ASAP1: variants seen among roughly 807,000 people sequenced by gnomAD.
ASAP1 encodes arf-GAP with SH3 domain, ANK repeat and PH domain-containing protein 1.
A neutral mutation model predicts 145.2 loss-of-function variants in ASAP1; 43 were observed. The observed-to-expected ratio is 0.30, with a 90% CI of 0.23 to 0.38. The LOEUF is 0.38. Among genes scored for constraint, ASAP1 ranks in the 10% least tolerant of loss-of-function variants. ASAP1 has a pLI of 1.00. For synonymous variants in ASAP1, 546 were observed against 515.5 expected, an observed-to-expected ratio of 1.06 and a Z score of -0.80; for missense variants, 1,018 against 1,355.3, an observed-to-expected ratio of 0.75 and a Z score of 3.91.
intron 1 of ASAP1, among the ~76,000 whole-genome samples, chr8:130,442,604 CAG>C (rs777598382): frequency 1.2e-4 from 18 of 152,080 alleles, no homozygotes; most frequent in Admixed American, 3.3e-4. Context: ...ACAGAGTAGA[CAG>C]GGGAAAATGC....
At chr8:130,246,100 G>C (rs532136546) in intron 3 of ASAP1, among the ~76,000 whole-genome samples, 5 of 151,954 alleles carry the variant, frequency 3.3e-5, no homozygotes, top group Non-Finnish European at 5.9e-5. Flanking sequence ...AGTTGTAAAG[G>C]AAGTCTTACA....
At chr8:130,230,961 C>A (rs932950156) in intron 4 of ASAP1, among the ~76,000 whole-genome samples, 1 of 152,150 alleles carries the variant, frequency 6.6e-6, no homozygotes, top group Non-Finnish European at 1.5e-5. Context: ...ACTCTAGTTA[C>A]AACTGAATTC....
intron 3 of ASAP1, among the ~76,000 whole-genome samples, chr8:130,349,883 G>A (rs1000534360): frequency 5.3e-5 from 8 of 152,198 alleles, no homozygotes; most frequent in African/African-American, 1.9e-4. Flanking sequence ...TAGACATGAA[G>A]TGTAGCCCCA....
chr8:130,101,732 A>ATTTTTTTTTTTTTTT lies in ASAP1; in HGVS notation c.2402-9604_2402-9590dup, dbSNP rs59778799. Among the ~76,000 whole-genome samples the ATTTTTTTTTTTTTTT allele has an allele frequency of 1.8e-3, 156 of 86,904 alleles. 18 individuals carry two copies. The highest frequency in any genetic ancestry group is 7.3e-3 in the African/African-American group (132 of 18,080). 57.0% of individuals were successfully genotyped at this position (86,904 alleles called of 152,430 possible). On this transcript the variant is annotated intron_variant, in intron 24 of 29. Coordinates refer to ENST00000518721, the MANE Select transcript of ASAP1 (RefSeq NM_018482.4). ...AGGCATGTGCTACCACACCTGGTTA[A>ATTTTTTTTTTTTTTT]TTTTTTTTTTTTTTTTTTTTGCAGA...
At chr8:130,096,561 G>A (rs1040992466) in intron 24 of ASAP1, among the ~76,000 whole-genome samples, 3 of 152,096 alleles carry the variant, frequency 2.0e-5, no homozygotes, top group Admixed American at 6.5e-5. Context: ...TAAAAACATG[G>A]GTCTAGCCTT....
chr8:130,384,892 A>AC lies in ASAP1; in HGVS notation c.59+16992dup, dbSNP rs1320797590. Among the ~76,000 whole-genome samples the AC allele has an allele frequency of 3.3e-5, 5 of 152,006 alleles. No individual in the cohort carries two copies. The South Asian group carries it at 6.2e-4, about 19-fold the overall frequency. On this transcript the variant is annotated intron_variant, in intron 2 of 29. Coordinates refer to ENST00000518721, the MANE Select transcript of ASAP1 (RefSeq NM_018482.4). ...CACTGTGGTGAGCAAGGCCGAGATG[A>AC]CCCCCGCCCTCCTGGAAGTTATAAT...
chr8:130,379,077 G>C (rs1417882255), intron 2 of ASAP1, among the ~76,000 whole-genome samples: 1 of 152,170 alleles, frequency 6.6e-6, no homozygotes, highest in Non-Finnish European at 1.5e-5. Context: ...ACTAAAGATA[G>C]AGCTCAATCA....
At chr8:130,188,642 G>A (rs1586553763) in intron 5 of ASAP1, among the ~76,000 whole-genome samples, 1 of 144,418 alleles carries the variant, frequency 6.9e-6, no homozygotes, top group East Asian at 2.2e-4. Flanking sequence ...GCTGAGGCAG[G>A]AGAATCATTT....
rs1828053935 is a variant in ASAP1 at position 130,387,102 on chromosome 8, T to C, written c.59+14783A>G. 2.0e-5 allele frequency among the ~76,000 whole-genome samples: 3 copies of C among 152,208 alleles called. No individual in the cohort carries two copies. In the South Asian group the frequency reaches 6.2e-4, roughly 31 times the overall value. ...AAAATGCATTAGCTCACAGTTTCCA[T>C]TTTAAACCGAAATCAAACCTGCTTT... On this transcript the variant is annotated intron_variant, in intron 2 of 29. Coordinates refer to ENST00000518721, the MANE Select transcript of ASAP1 (RefSeq NM_018482.4).
At chr8:130,338,637 T>G (rs1168252203) in intron 3 of ASAP1, among the ~76,000 whole-genome samples, 1 of 152,178 alleles carries the variant, frequency 6.6e-6, no homozygotes, top group Non-Finnish European at 1.5e-5. Flanking sequence ...CAATGGGGTG[T>G]GCTGGAAAAT....
intron 2 of ASAP1, among the ~76,000 whole-genome samples, chr8:130,393,953 T>C (rs1828401368): frequency 6.6e-6 from 1 of 152,256 alleles, no homozygotes; most frequent in Non-Finnish European, 1.5e-5. Flanking sequence ...TCAATACCCT[T>C]GTGATTTCCT....
intron 2 of ASAP1, among the ~76,000 whole-genome samples, chr8:130,384,070 T>A (rs1433269321): frequency 1.3e-5 from 2 of 152,198 alleles, no homozygotes; most frequent in Non-Finnish European, 2.9e-5. Flanking sequence ...GCCAGAGTCC[T>A]GTAGGATTAA....
chr8:130,222,017 C>A (rs1476911753), intron 4 of ASAP1, among the ~76,000 whole-genome samples: 1 of 152,212 alleles, frequency 6.6e-6, no homozygotes, highest in Non-Finnish European at 1.5e-5. Context: ...TACCAACTAT[C>A]CATCCTTGGC....
At chr8:130,417,600 A>C (rs539927630) in intron 1 of ASAP1, among the ~76,000 whole-genome samples, 1 of 150,510 alleles carries the variant, frequency 6.6e-6, no homozygotes, top group African/African-American at 2.5e-5. Flanking sequence ...AGAAAACCCC[A>C]CAAGTCCTGG....
chr8:130,127,830 C>T, intron 16 of ASAP1, 97 bp downstream of exon 16: 1 of 1,370,280 alleles, frequency 7.3e-7, no homozygotes, highest in Non-Finnish European at 1.0e-6. Flanking sequence ...GTGAGTGTGT[C>T]CATAGGGGTT....
intron 2 of ASAP1, among the ~76,000 whole-genome samples, chr8:130,366,455 C>T (rs541335715): frequency 6.6e-6 from 1 of 152,310 alleles, no homozygotes; most frequent in Non-Finnish European, 1.5e-5. Context: ...GTGATTGACA[C>T]AGTTCCTCCT....
chr8:130,126,550 G>A (rs1243835164), intron 16 of ASAP1, among the ~76,000 whole-genome samples: 1 of 152,098 alleles, frequency 6.6e-6, no homozygotes, highest in Non-Finnish European at 1.5e-5. Context: ...TGTAAATATT[G>A]AACACCAAAT....
intron 17 of ASAP1, 33 bp from the exon 18 acceptor site, chr8:130,124,137 G>A (rs751634109): frequency 4.2e-6 from 6 of 1,445,284 alleles, no homozygotes; most frequent in Non-Finnish European, 3.8e-6. Flanking sequence ...CCACAATATA[G>A]CAAACTCTTT....
At chr8:130,082,993 T>G (rs1264421211) in intron 25 of ASAP1, 7 of 152,226 alleles carry the variant, frequency 4.6e-5, no homozygotes, top group African/African-American at 7.2e-5. Flanking sequence ...GAATGAACTG[T>G]TACATCCACT....
Sources: allele counts gnomAD v4.1 joint callset (sites outside exome capture counted in the v4.1 genomes callset), GRCh38; gene constraint gnomAD v4.1.1; transcripts MANE v1.5; gene names NCBI Gene and HGNC (gene_info 2026-07-23, HGNC 2026-07-21).